The following CNTN5 variants were observed in gnomAD, a reference collection of about 807,000 sequenced individuals.
CNTN5 encodes contactin-5.
In CNTN5, 77 loss-of-function variants were observed where a neutral mutation model predicts 129.1. The ratio of observed to expected loss-of-function variants is 0.60; its 90% CI spans 0.50 to 0.72. CNTN5 has a LOEUF of 0.72. Ranked by LOEUF, CNTN5 falls within the 30% of genes least tolerant of loss-of-function variation. CNTN5 has a pLI of 0.00. For missense variants in CNTN5, 1,478 were observed against 1,328.8 expected, an observed-to-expected ratio of 1.11 and a Z score of -1.75; for synonymous variants, 509 against 465.6, an observed-to-expected ratio of 1.09 and a Z score of -1.20.
intron 13 of CNTN5, among the ~76,000 whole-genome samples, chr11:100,133,162 A>G (rs887527614): frequency 6.6e-6 from 1 of 152,172 alleles, no homozygotes; most frequent in African/African-American, 2.4e-5. Flanking sequence ...ATATGCAGTC[A>G]TTGGCAATGA....
intron 3 of CNTN5, among the ~76,000 whole-genome samples, chr11:99,625,634 A>G (rs1309479130): frequency 6.6e-6 from 1 of 152,114 alleles, no homozygotes; most frequent in Non-Finnish European, 1.5e-5. Context: ...TTCTCCAGAA[A>G]TTTAACAGCT....
intron 16 of CNTN5, among the ~76,000 whole-genome samples, chr11:100,241,512 T>C (rs182400152): frequency 5.3e-5 from 8 of 152,320 alleles, no homozygotes; most frequent in Middle Eastern, 3.4e-3. Flanking sequence ...GAGTCTTACG[T>C]TGGCAATTAA....
intron 7 of CNTN5, among the ~76,000 whole-genome samples, chr11:99,953,406 A>G (rs1171345097): frequency 1.3e-5 from 2 of 152,228 alleles, no homozygotes; most frequent in African/African-American, 2.4e-5. Flanking sequence ...TAACCTGGAA[A>G]TGTTCTCACT....
At chr11:99,145,284 G>T (rs564197366) in intron 1 of CNTN5, among the ~76,000 whole-genome samples, 2 of 152,088 alleles carry the variant, frequency 1.3e-5, no homozygotes, top group East Asian at 3.9e-4. Context: ...TGGCCAGGCT[G>T]GTCTCGAACT....
chr11:100,034,372 ATT>A (rs1315284773), intron 9 of CNTN5, among the ~76,000 whole-genome samples: 1 of 152,220 alleles, frequency 6.6e-6, no homozygotes, highest in Admixed American at 6.5e-5. Flanking sequence ...CTTTTTCATC[ATT>A]GATATTCTAT....
chr11:99,375,306 A>AAAG (rs1170833125), intron 2 of CNTN5, among the ~76,000 whole-genome samples: 4,369 of 146,664 alleles, frequency 0.03, 97 homozygotes, highest in African/African-American at 0.056. Flanking sequence ...CTGTCTCAAA[A>AAAG]AAAAAAAAAA....
intron 20 of CNTN5, among the ~76,000 whole-genome samples, chr11:100,304,276 CCTCT>C (rs1951295853): frequency 6.6e-6 from 1 of 151,590 alleles, no homozygotes; most frequent in African/African-American, 2.4e-5. Context: ...AAGAGGTTTC[CCTCT>C]AAGTCTTTGA....
intron 3 of CNTN5, among the ~76,000 whole-genome samples, chr11:99,563,156 A>C (rs1014064579): frequency 1.3e-5 from 2 of 152,196 alleles, no homozygotes; most frequent in East Asian, 3.9e-4. Context: ...CTCCAGAAAG[A>C]GAGTGGTCAG....
chr11:100,109,112 C>G (rs1945556562), intron 13 of CNTN5, among the ~76,000 whole-genome samples: 1 of 152,084 alleles, frequency 6.6e-6, no homozygotes, highest in Non-Finnish European at 1.5e-5. Context: ...ACAAATAACG[C>G]TAGAATGATT....
chr11:100,031,619 G>C (rs1231525155), intron 9 of CNTN5, among the ~76,000 whole-genome samples: 1 of 152,042 alleles, frequency 6.6e-6, no homozygotes, highest in Non-Finnish European at 1.5e-5. Flanking sequence ...CTGTTTCTAT[G>C]GATTTTTTGT....
At chr11:99,679,783 G>A (rs536427632) in intron 3 of CNTN5, among the ~76,000 whole-genome samples, 16 of 152,226 alleles carry the variant, frequency 1.1e-4, no homozygotes, top group Middle Eastern at 3.4e-3. Context: ...CGGGCATGGC[G>A]AAAGCCAAGA....
At chr11:99,134,772 G>A (rs769959126) in intron 1 of CNTN5, among the ~76,000 whole-genome samples, 6 of 152,178 alleles carry the variant, frequency 3.9e-5, no homozygotes, top group Non-Finnish European at 8.8e-5. Context: ...GTATGAAAAC[G>A]CTATATTGTG....
intron 3 of CNTN5, among the ~76,000 whole-genome samples, chr11:99,726,626 A>G (rs1007851696): frequency 6.6e-6 from 1 of 152,224 alleles, no homozygotes; most frequent in African/African-American, 2.4e-5. Flanking sequence ...AAATCCTAAA[A>G]AATAGGAAAC....
intron 9 of CNTN5, among the ~76,000 whole-genome samples, chr11:100,035,196 C>T (rs1183285261): frequency 2.4e-5 from 3 of 126,358 alleles, no homozygotes; most frequent in African/African-American, 1.0e-4. Context: ...GTTCAATTCC[C>T]ACCTATGAGT....
intron 8 of CNTN5, among the ~76,000 whole-genome samples, chr11:99,988,079 A>G (rs556158642): frequency 6.6e-6 from 1 of 152,274 alleles, no homozygotes; most frequent in South Asian, 2.1e-4. Flanking sequence ...TCTCCTTTGA[A>G]CCATATCATA....
intron 7 of CNTN5, among the ~76,000 whole-genome samples, chr11:99,931,657 G>C (rs1410756157): frequency 6.6e-6 from 1 of 152,172 alleles, no homozygotes; most frequent in African/African-American, 2.4e-5. Flanking sequence ...CCCATTAGTG[G>C]GAATAACTAG....
chr11:100,099,245 A>G (rs1332134770), intron 13 of CNTN5, among the ~76,000 whole-genome samples: 2 of 152,076 alleles, frequency 1.3e-5, no homozygotes, highest in Non-Finnish European at 2.9e-5. Context: ...TGGAATAACC[A>G]ACTGTCCTAG....
At chr11:100,268,426 C>T (rs149507841) in intron 17 of CNTN5, among the ~76,000 whole-genome samples, 17 of 152,008 alleles carry the variant, frequency 1.1e-4, no homozygotes, top group African/African-American at 2.9e-4. Flanking sequence ...CAGCCAAAGG[C>T]GGCAGAATGA....
chr11:99,837,750 A>G (rs2135654035), intron 4 of CNTN5, among the ~76,000 whole-genome samples: 1 of 151,910 alleles, frequency 6.6e-6, no homozygotes, highest in Non-Finnish European at 1.5e-5. Context: ...AAATTACACT[A>G]ATATAATTTT....
Sources: allele counts gnomAD v4.1 joint callset (sites outside exome capture counted in the v4.1 genomes callset), GRCh38; gene constraint gnomAD v4.1.1; transcripts MANE v1.5; gene names NCBI Gene and HGNC (gene_info 2026-07-23, HGNC 2026-07-21).